CNTN3: variants seen among roughly 807,000 people sequenced by gnomAD.
CNTN3 encodes contactin-3.
CNTN3 carries 60 observed loss-of-function variants against 119.1 expected under a neutral mutation model. The ratio of observed to expected loss-of-function variants is 0.50; its 90% confidence interval spans 0.41 to 0.62. The LOEUF (loss-of-function observed/expected upper bound fraction) is 0.62. Ranked by LOEUF, CNTN3 falls within the 20% of genes least tolerant of loss-of-function variation. CNTN3 has a pLI of 0.00. For missense variants in CNTN3, 1,101 were observed against 1,242.4 expected (o/e 0.89, Z 1.71); for synonymous variants, 450 against 438.7 (o/e 1.03, Z -0.32).
intron 11 of CNTN3, among the ~76,000 whole-genome samples, chr3:74,355,098 G>A (rs1406400387): frequency 6.6e-6 from 1 of 152,008 alleles, no homozygotes; most frequent in Non-Finnish European, 1.5e-5. Flanking sequence ...TTTTTCAGTA[G>A]GTACTTCAAA....
rs552874428 is a variant in CNTN3 at position 74,499,893 on chromosome 3, C to A, written c.56-108G>T. On this transcript the variant is annotated intron_variant, in intron 2 of 22. Coordinates refer to ENST00000263665, the MANE Select transcript of CNTN3 (RefSeq NM_020872.3). ...GGAACTAAAAATTCTAGTACTGCTCCATTTGCATACAAAGCAAAATGCTCT... is the reference window on the plus strand; with the variant it reads ...GGAACTAAAAATTCTAGTACTGCTCAATTTGCATACAAAGCAAAATGCTCT... The A allele has an allele frequency of 4.9e-5, 52 of 1,057,576 alleles. 1 individual carries two copies. Among genetic ancestry groups the A allele is most frequent in the South Asian group, 1.1e-4 (6 of 52,942 alleles). The allele number at this position is 1,057,576 out of a possible 1,614,324, so 65.5% of individuals were successfully genotyped here.
At chr3:74,283,950 C>A (rs931697808) in intron 20 of CNTN3, among the ~76,000 whole-genome samples, 1 of 152,104 alleles carries the variant, frequency 6.6e-6, no homozygotes, top group African/African-American at 2.4e-5. Context: ...CGGTTGCTTA[C>A]AAATGGGTCT....
intron 1 of CNTN3, among the ~76,000 whole-genome samples, chr3:74,567,294 C>T (rs1402635624): frequency 5.4e-5 from 8 of 149,046 alleles, no homozygotes; most frequent in Non-Finnish European, 8.9e-5. Context: ...GTGCATGCCG[C>T]TATACTCAAC....
chr3:74,473,434 T>C (rs1702601193), intron 4 of CNTN3, among the ~76,000 whole-genome samples: 1 of 152,202 alleles, frequency 6.6e-6, no homozygotes. Context: ...TTTTATAAAA[T>C]TTAAATTTAG....
chr3:74,539,239 G>T (rs1251328286), intron 1 of CNTN3, among the ~76,000 whole-genome samples: 1 of 152,030 alleles, frequency 6.6e-6, no homozygotes, highest in Non-Finnish European at 1.5e-5. Context: ...GGACATCAGG[G>T]TTCAATTTAT....
In CNTN3 at chr3:74,367,787, G is replaced by A. The variant is rs1343155989; in HGVS notation, c.946+1402C>T. 2.0e-5 allele frequency among the ~76,000 whole-genome samples: 3 copies of A among 152,016 alleles called. No individual in the cohort carries two copies. The South Asian group carries it at 6.2e-4, about 31-fold the overall frequency. On this transcript the variant is annotated intron_variant, in intron 8 of 22. Transcript: ENST00000263665. ...TACAATTGTTTATTATGTATACAGG[G>A]TTTCTGTTATATAGAGCTAAAAATA...
intron 5 of CNTN3, among the ~76,000 whole-genome samples, chr3:74,388,501 T>C (rs1704814525): frequency 6.6e-6 from 1 of 151,902 alleles, no homozygotes; most frequent in Non-Finnish European, 1.5e-5. Context: ...AACACAAACA[T>C]AGAAAATAGC....
intron 3 of CNTN3, among the ~76,000 whole-genome samples, chr3:74,488,181 C>T (rs116248253): frequency 6.6e-6 from 1 of 151,826 alleles, no homozygotes; most frequent in African/African-American, 2.4e-5. Flanking sequence ...GGTGCGATCT[C>T]AGCTCACGGC....
chr3:74,320,036 G>C (rs1193393764), intron 13 of CNTN3, among the ~76,000 whole-genome samples: 1 of 152,176 alleles, frequency 6.6e-6, no homozygotes, highest in Non-Finnish European at 1.5e-5. Context: ...TGGAGACGAT[G>C]TGGAGAAATA....
intron 1 of CNTN3, among the ~76,000 whole-genome samples, chr3:74,533,532 T>A (rs1703722263): frequency 6.6e-6 from 1 of 152,014 alleles, no homozygotes; most frequent in Non-Finnish European, 1.5e-5. Flanking sequence ...TGCACACATG[T>A]TATGTCATTT....
intron 5 of CNTN3, among the ~76,000 whole-genome samples, chr3:74,374,282 AGT>A (rs1491307986): frequency 2.8e-5 from 4 of 142,642 alleles, no homozygotes; most frequent in Admixed American, 2.1e-4. Flanking sequence ...CCTTTTTTCC[AGT>A]TTTTTTTTTT....
chr3:74,318,295 G>A (rs1702887730), intron 13 of CNTN3, among the ~76,000 whole-genome samples: 1 of 152,008 alleles, frequency 6.6e-6, no homozygotes, highest in African/African-American at 2.4e-5. Flanking sequence ...TCCTCCTGTA[G>A]CTCAGAGTAG....
chr3:74,559,009 T>C (rs572945824), intron 1 of CNTN3, among the ~76,000 whole-genome samples: 12 of 150,908 alleles, frequency 8.0e-5, no homozygotes, highest in African/African-American at 2.9e-4. Flanking sequence ...ATAATAATAG[T>C]AACTGCAGTC....
chr3:74,358,880 G>A (rs571340556), intron 11 of CNTN3, among the ~76,000 whole-genome samples: 23 of 150,556 alleles, frequency 1.5e-4, no homozygotes, highest in Middle Eastern at 3.4e-3. Flanking sequence ...TTGTTCTTGC[G>A]ATAGTTTACT....
chr3:74,330,232 G>A (rs778045707), intron 13 of CNTN3, among the ~76,000 whole-genome samples: 4 of 151,920 alleles, frequency 2.6e-5, no homozygotes, highest in Admixed American at 1.3e-4. Context: ...GGTGCATGCC[G>A]GTAGTCCCAG....
chr3:74,411,832 G>A (rs1701443954), intron 5 of CNTN3, among the ~76,000 whole-genome samples: 1 of 152,186 alleles, frequency 6.6e-6, no homozygotes, highest in Non-Finnish European at 1.5e-5. Context: ...AAGGTGATCA[G>A]TAAATGGTAG....
intron 1 of CNTN3, among the ~76,000 whole-genome samples, chr3:74,552,699 C>T (rs149242302): frequency 4.6e-5 from 7 of 152,282 alleles, no homozygotes; most frequent in Non-Finnish European, 1.0e-4. Flanking sequence ...GTAATCCCCA[C>T]ATGTACAAAA....
chr3:74,410,335 T>C (rs1701417595), intron 5 of CNTN3, among the ~76,000 whole-genome samples: 1 of 152,136 alleles, frequency 6.6e-6, no homozygotes, highest in Non-Finnish European at 1.5e-5. Context: ...AGAAAACCCA[T>C]ATAGATTTCA....
intron 8 of CNTN3, among the ~76,000 whole-genome samples, chr3:74,365,947 GCTCT>G (rs755946730): frequency 1.3e-4 from 20 of 152,048 alleles, no homozygotes; most frequent in East Asian, 7.8e-4. Flanking sequence ...AATTAATTAT[GCTCT>G]CTCTATTTTC....
Sources: allele counts gnomAD v4.1 joint callset (sites outside exome capture counted in the v4.1 genomes callset), GRCh38; gene constraint gnomAD v4.1.1; transcripts MANE v1.5; gene names NCBI Gene and HGNC (gene_info 2026-07-23, HGNC 2026-07-21).